The following ST3GAL1 variants were observed in gnomAD, a reference collection of about 807,000 sequenced individuals.
ST3GAL1 encodes CMP-N-acetylneuraminate-beta-galactosamide-alpha-2,3-sialyltransferase 1.
In ST3GAL1, 16 loss-of-function variants were observed where a neutral mutation model predicts 34.1. The observed-to-expected ratio is 0.47, with a 90% confidence interval of 0.32 to 0.71. ST3GAL1 has a LOEUF of 0.71. Ranked by LOEUF, ST3GAL1 falls within the 30% of genes least tolerant of loss-of-function variation. The probability of loss-of-function intolerance (pLI) is 0.04; values close to 1 mark genes in which losing one functional copy is unlikely to be tolerated. For missense variants in ST3GAL1, 353 were observed against 447.4 expected, an observed-to-expected ratio of 0.79 and a Z score of 1.90; for synonymous variants, 191 against 184.7, an observed-to-expected ratio of 1.03 and a Z score of -0.28.
chr8:133,542,302 A>G (rs1440394604), intron 2 of ST3GAL1, among the ~76,000 whole-genome samples: 2 of 152,236 alleles, frequency 1.3e-5, no homozygotes, highest in East Asian at 3.8e-4. Context: ...ATGAGGCTAG[A>G]ATACCTTGCT....
chr8:133,559,805 A>G (rs1221552787), intron 1 of ST3GAL1, among the ~76,000 whole-genome samples: 2 of 152,216 alleles, frequency 1.3e-5, no homozygotes, highest in South Asian at 2.1e-4. Context: ...GGCTAAGTTT[A>G]CACGCCTGAT....
At chr8:133,558,681 C>T (rs562266716) in intron 1 of ST3GAL1, among the ~76,000 whole-genome samples, 3 of 152,268 alleles carry the variant, frequency 2.0e-5, no homozygotes, top group South Asian at 2.1e-4. Context: ...TTACTCCATC[C>T]GGGGCAGGTT....
intron 5 of ST3GAL1, among the ~76,000 whole-genome samples, chr8:133,470,527 A>G (rs762594368): frequency 6.6e-6 from 1 of 152,162 alleles, no homozygotes; most frequent in Non-Finnish European, 1.5e-5. Context: ...CCAAGTATAT[A>G]CAATCAGCGC....
chr8:133,456,290 G>T lies in ST3GAL1; in HGVS notation c.*3474C>A, dbSNP rs4736673. ...AATCAGTGCCCTGACTCACTGGGGA[G>T]ACCCAGGGGGTTGGGATGTTGCTGA... On this transcript the variant is annotated 3_prime_UTR_variant, in exon 10 of 10. Transcript: ENST00000522652. 0.21 allele frequency: 31,762 copies of T among 151,674 alleles called. 3,717 individuals carry two copies. Among genetic ancestry groups the T allele is most frequent in the East Asian group, 0.55 (2,794 of 5,124 alleles). 9.4% of individuals were successfully genotyped at this position (151,674 alleles called of 1,614,324 possible). A position where few individuals can be genotyped will look rare whatever the true frequency, so the allele number is the denominator to read the frequency against.
At chr8:133,555,858 A>AT (rs150195875) in intron 1 of ST3GAL1, among the ~76,000 whole-genome samples, 4,085 of 147,360 alleles carry the variant, frequency 0.028, 266 homozygotes, top group East Asian at 0.27. Flanking sequence ...CAACCTACCC[A>AT]TTTTTTTTGT....
rs61743536 is a variant in ST3GAL1, at chr8:133,461,935, G to A, written c.789C>T (p.His263=). ...KYVFDNWLQG[H]GRYPSTGILS... ...GGATGCCGGTAGATGGGTATCGCCC[G>A]TGCCCTTGCAGCCAGTTGTCAAAGA... The change falls in exon 9 of 10, where the codon CAC becomes CAT. Residue 263 remains histidine, a synonymous_variant. Transcript: ENST00000522652. This position sits in a 1 kb window ranked among gnomAD's most constrained non-coding sequence, Gnocchi z 4.7. 2,186 of 1,614,168 alleles carry A rather than the reference G, an allele frequency of 1.4e-3. 26 individuals are homozygous for A. The African/African-American group carries it at 0.023, about 17-fold the overall frequency.
At chr8:133,525,638 C>T (rs1048851619) in intron 2 of ST3GAL1, among the ~76,000 whole-genome samples, 3 of 152,162 alleles carry the variant, frequency 2.0e-5, no homozygotes, top group Admixed American at 2.0e-4. Context: ...CAGGCCTGCA[C>T]TGAGCTGCCC....
At chr8:133,522,225 A>G (rs1182553831) in intron 2 of ST3GAL1, among the ~76,000 whole-genome samples, 1 of 152,212 alleles carries the variant, frequency 6.6e-6, no homozygotes, top group Non-Finnish European at 1.5e-5. Flanking sequence ...ATAGAAAGCT[A>G]GCAGGAAGGA....
At chr8:133,504,287 C>T (rs1000822872) in intron 2 of ST3GAL1, among the ~76,000 whole-genome samples, 4 of 152,244 alleles carry the variant, frequency 2.6e-5, no homozygotes, top group African/African-American at 4.8e-5. Flanking sequence ...ATCATTCCAT[C>T]GCTGGGCCTC....
In ST3GAL1 at chr8:133,466,192, G is replaced by C. The variant is rs187221674; in HGVS notation, c.307-102C>G. The C allele has an allele frequency of 2.8e-4, 348 of 1,225,724 alleles. 2 individuals carry two copies. In the Middle Eastern group the frequency reaches 6.7e-3, roughly 23 times the overall value. The allele number at this position is 1,225,724 out of a possible 1,614,324, so 75.9% of individuals were successfully genotyped here. A position where few individuals can be genotyped will look rare whatever the true frequency, so the allele number is the denominator to read the frequency against. On this transcript the variant is annotated intron_variant, in intron 5 of 9. Coordinates refer to ENST00000522652, the MANE Select transcript of ST3GAL1 (RefSeq NM_173344.3). The surrounding 1 kb of genome is among the most constrained non-coding windows in gnomAD (Gnocchi z 4.4). ...TGCTGTCGTTTACTGGGGCCCTCCTGTTCACCCTTCTCTCTGCTGGGCCCC... is the reference window on the plus strand; with the variant it reads ...TGCTGTCGTTTACTGGGGCCCTCCTCTTCACCCTTCTCTCTGCTGGGCCCC...
chr8:133,475,702 C>G lies in ST3GAL1; in HGVS notation c.306+17G>C, dbSNP rs1423040953. On this transcript the variant is annotated intron_variant, in intron 5 of 9. Coordinates refer to ENST00000522652, the MANE Select transcript of ST3GAL1 (RefSeq NM_173344.3). ...CCCAACTCTCAGCCCAGACCCCGCT[C>G]TCAGGCAGCATCTCACCAGCCACCA... The G allele has an allele frequency of 6.4e-7, 1 of 1,568,208 alleles. No homozygotes were observed. Among genetic ancestry groups the G allele is most frequent in the African/African-American group, 1.3e-5 (1 of 74,236 alleles).
chr8:133,530,572 C>T (rs1221614751), intron 2 of ST3GAL1, among the ~76,000 whole-genome samples: 3 of 152,138 alleles, frequency 2.0e-5, no homozygotes, highest in South Asian at 2.1e-4. Flanking sequence ...CATGTGCCAC[C>T]GTGCCCAGTC....
chr8:133,489,473 C>T (rs892633289), intron 3 of ST3GAL1: 2 of 152,586 alleles, frequency 1.3e-5, no homozygotes, highest in Non-Finnish European at 2.9e-5. Flanking sequence ...CTCCCCTCCA[C>T]CTTGGGTAGC....
Position 133,469,991 on chromosome 8 carries a change from C to T in ST3GAL1, c.307-3901G>A, listed in dbSNP as rs1006539438. Among the ~76,000 whole-genome samples the T allele has an allele frequency of 6.6e-6, 1 of 152,214 alleles. No individual in the cohort carries two copies. The highest frequency in any genetic ancestry group is 2.4e-5 in the African/African-American group (1 of 41,454). On this transcript the variant is annotated intron_variant, in intron 5 of 9. Coordinates refer to ENST00000522652, the MANE Select transcript of ST3GAL1 (RefSeq NM_173344.3). The surrounding 1 kb of genome is among the most constrained non-coding windows in gnomAD (Gnocchi z 4.3). ...AGGTAGAGCTCAGATGGGAAACTGG[C>T]TCTTTCTCTAGATTATCATAGTAAG...
intron 1 of ST3GAL1, among the ~76,000 whole-genome samples, chr8:133,558,217 C>A (rs1012479386): frequency 1.3e-5 from 2 of 152,142 alleles, no homozygotes; most frequent in African/African-American, 2.4e-5. Context: ...CTCAAGGAGG[C>A]GGAACAAGAA....
At chr8:133,473,373 A>G (rs1816038560) in intron 5 of ST3GAL1, among the ~76,000 whole-genome samples, 1 of 152,166 alleles carries the variant, frequency 6.6e-6, no homozygotes, top group Admixed American at 6.5e-5. Context: ...ATGAGGACAA[A>G]GGCCCCCAAG....
At chr8:133,529,348 G>C (rs114078837) in intron 2 of ST3GAL1, among the ~76,000 whole-genome samples, 2,334 of 152,300 alleles carry the variant, frequency 0.015, 39 homozygotes, top group African/African-American at 0.038. Context: ...GATGGGCCTT[G>C]GGAGCTTATA....
intron 1 of ST3GAL1, among the ~76,000 whole-genome samples, chr8:133,551,686 A>G (rs1420385724): frequency 2.0e-5 from 3 of 152,232 alleles, no homozygotes; most frequent in Admixed American, 6.5e-5. Flanking sequence ...TGCTTCAACT[A>G]CTTTGCAGGG....
intron 1 of ST3GAL1, among the ~76,000 whole-genome samples, chr8:133,558,927 T>A (rs1348567712): frequency 1.3e-5 from 2 of 152,168 alleles, no homozygotes; most frequent in African/African-American, 2.4e-5. Flanking sequence ...GTTTTCCTCA[T>A]GTCCTCGTGG....
Sources: allele counts gnomAD v4.1 joint callset (sites outside exome capture counted in the v4.1 genomes callset), GRCh38; gene constraint gnomAD v4.1.1; non-coding constraint Gnocchi (gnomAD v3.1); transcripts MANE v1.5; gene names NCBI Gene and HGNC (gene_info 2026-07-23, HGNC 2026-07-21).